HDAC4: variants seen among roughly 807,000 people sequenced by gnomAD.
The protein encoded by HDAC4 is histone deacetylase A.
Under a neutral mutation model 135.1 loss-of-function variants are expected in HDAC4, and 16 were observed. That is an observed-to-expected ratio of 0.12 (90% CI 0.08 to 0.18). HDAC4 has a LOEUF of 0.18. Among genes scored for constraint, HDAC4 ranks in the 10% least tolerant of loss-of-function variants. The pLI is 1.00. For missense variants in HDAC4, 1,143 were observed against 1,511.8 expected, an observed-to-expected ratio of 0.76 and a Z score of 4.05; for synonymous variants, 685 against 653.4, an observed-to-expected ratio of 1.05 and a Z score of -0.74.
At chr2:239,371,808 T>C (rs183656463) in intron 1 of HDAC4, among the ~76,000 whole-genome samples, 64 of 152,292 alleles carry the variant, frequency 4.2e-4, no homozygotes, top group Non-Finnish European at 7.9e-4. Context: ...AAGATGAGGA[T>C]CTGGGCCTGC....
intron 2 of HDAC4, among the ~76,000 whole-genome samples, chr2:239,279,113 G>A (rs754016542): frequency 2.6e-5 from 4 of 152,242 alleles, no homozygotes; most frequent in Admixed American, 6.5e-5. Context: ...CCCACAGGCC[G>A]GAGGGCTCCC....
At chr2:239,195,813 G>A (rs183563872) in intron 3 of HDAC4, among the ~76,000 whole-genome samples, 102 of 152,308 alleles carry the variant, frequency 6.7e-4, no homozygotes, top group Non-Finnish European at 1.2e-3. Context: ...CACAAAGGCC[G>A]CATTCAGAGT....
intron 11 of HDAC4, among the ~76,000 whole-genome samples, chr2:239,129,492 T>C (rs752366884): frequency 1.3e-5 from 2 of 152,180 alleles, no homozygotes; most frequent in African/African-American, 4.8e-5. Flanking sequence ...AGTGGCCCCC[T>C]GCTCTGGGCT....
rs937951453 is a variant in HDAC4 at position 239,378,666 on chromosome 2, A to G, written c.-220+22312T>C. 1.4e-4 allele frequency among the ~76,000 whole-genome samples: 22 copies of G among 152,080 alleles called. 1 individual carries two copies. The highest frequency in any genetic ancestry group is 1.4e-3 in the Admixed American group (21 of 15,278). On this transcript the variant is annotated intron_variant, in intron 1 of 26. Coordinates refer to ENST00000543185, the MANE Select transcript of HDAC4 (RefSeq NM_001378414.1). ...ACCCCGGGAACCAATGACCCCGGGAACCAATGACCCCGGGAACCAATGAAC... is the reference window on the plus strand; with the variant it reads ...ACCCCGGGAACCAATGACCCCGGGAGCCAATGACCCCGGGAACCAATGAAC...
Position 239,323,403 on chromosome 2 carries a change from A to G in HDAC4, c.22+29275T>C, listed in dbSNP as rs2053376202. On this transcript the variant is annotated intron_variant, in intron 2 of 26. Coordinates refer to ENST00000543185, the MANE Select transcript of HDAC4 (RefSeq NM_001378414.1). Reference sequence around the variant, plus strand: ...AGCATTTTCCTTTCTTTCATCTTTCAGCATTGTTGGATGTTAAGTAAAGAA... The same window carrying G: ...AGCATTTTCCTTTCTTTCATCTTTCGGCATTGTTGGATGTTAAGTAAAGAA... Among the ~76,000 whole-genome samples the G allele has an allele frequency of 1.3e-5, 2 of 152,238 alleles. 1 individual carries two copies. The highest frequency in any genetic ancestry group is 4.1e-4 in the South Asian group (2 of 4,830).
intron 6 of HDAC4, among the ~76,000 whole-genome samples, chr2:239,163,499 G>A (rs560277433): frequency 9.7e-4 from 147 of 152,092 alleles, no homozygotes; most frequent in Non-Finnish European, 1.9e-3. Flanking sequence ...CTGTGGAAGT[G>A]TACCCCCAGA....
intron 2 of HDAC4, among the ~76,000 whole-genome samples, chr2:239,275,218 C>T (rs1366552332): frequency 2.0e-5 from 3 of 152,240 alleles, no homozygotes; most frequent in African/African-American, 7.2e-5. Context: ...ACCACCAGGC[C>T]GCGCAGGCTG....
intron 6 of HDAC4, chr2:239,161,767 A>G: frequency 2.4e-6 from 1 of 424,548 alleles, no homozygotes; most frequent in South Asian, 1.7e-5. Flanking sequence ...CAGCTCACCC[A>G]GGGAGTTCCA....
intron 6 of HDAC4, among the ~76,000 whole-genome samples, chr2:239,157,716 T>C (rs2042516927): frequency 6.6e-6 from 1 of 152,226 alleles, no homozygotes; most frequent in Admixed American, 6.5e-5. Flanking sequence ...GGTTAGACTA[T>C]TTGAATACAT....
chr2:239,401,366 C>T (rs1269215718), upstream of HDAC4: 2 of 155,642 alleles, frequency 1.3e-5, no homozygotes, highest in Non-Finnish European at 2.8e-5. Context: ...ACCTCATTGG[C>T]TGCTGGAGCT....
intron 3 of HDAC4, among the ~76,000 whole-genome samples, chr2:239,201,017 G>T (rs1194814057): frequency 6.6e-6 from 1 of 152,222 alleles, no homozygotes; most frequent in Non-Finnish European, 1.5e-5. Flanking sequence ...TTCACTACCG[G>T]GGAATCACAG....
chr2:239,212,459 C>T (rs1342476445), intron 3 of HDAC4, among the ~76,000 whole-genome samples: 1 of 152,168 alleles, frequency 6.6e-6, no homozygotes, highest in East Asian at 1.9e-4. Flanking sequence ...CAGACAGCAG[C>T]CATAGAATTC....
In HDAC4 at chr2:239,134,527, C is replaced by T. The variant is rs751134483; in HGVS notation, c.1095G>A (p.Ala365=). The change falls in exon 10 of 27, where the codon GCG becomes GCA. Residue 365 remains alanine, a splice_region_variant and synonymous_variant. Transcript: ENST00000543185. ...TLGLPATGPS[A]GTAGQQDAER... is the part of the protein sequence containing the mutation. ...CACGGACCCACGGGGGCTGACTTAC[C>T]GCAGAGGGGCCGGTGGCAGGCAGGC... The T allele has an allele frequency of 1.1e-5, 17 of 1,613,794 alleles. No individual in the cohort carries two copies. Among genetic ancestry groups the T allele is most frequent in the Middle Eastern group, 1.6e-4 (1 of 6,084 alleles).
At chr2:239,235,059 C>T (rs1030184989) in intron 3 of HDAC4, among the ~76,000 whole-genome samples, 1 of 152,182 alleles carries the variant, frequency 6.6e-6, no homozygotes. Flanking sequence ...TAAAATTGTG[C>T]ATCTTCATCT....
At chr2:239,156,309 C>T (rs972978564) in intron 7 of HDAC4, among the ~76,000 whole-genome samples, 1 of 152,206 alleles carries the variant, frequency 6.6e-6, no homozygotes, top group Non-Finnish European at 1.5e-5. Flanking sequence ...CATGGCCCAC[C>T]AACAGGAACT....
At chr2:239,374,578 T>C (rs1181335390) in intron 1 of HDAC4, among the ~76,000 whole-genome samples, 5 of 150,794 alleles carry the variant, frequency 3.3e-5, no homozygotes, top group Admixed American at 3.3e-4. Context: ...TAATTTTTTG[T>C]ATTTTTAGTA....
intron 2 of HDAC4, among the ~76,000 whole-genome samples, chr2:239,244,746 G>A (rs2048375352): frequency 6.6e-6 from 1 of 152,122 alleles, no homozygotes; most frequent in South Asian, 2.1e-4. Flanking sequence ...CACCTGCGCT[G>A]GCCTCCTCCC....
chr2:239,321,073 A>G (rs981442374), intron 2 of HDAC4, among the ~76,000 whole-genome samples: 1 of 152,218 alleles, frequency 6.6e-6, no homozygotes, highest in South Asian at 2.1e-4. Flanking sequence ...TATTCTATTC[A>G]GGGTTTTAAA....
chr2:239,148,924 A>G (rs1490675605), intron 7 of HDAC4, among the ~76,000 whole-genome samples: 1 of 152,228 alleles, frequency 6.6e-6, no homozygotes, highest in Non-Finnish European at 1.5e-5. Context: ...AATGAAAAAA[A>G]TGATCAACTT....
Sources: gnomAD v4.1 joint callset for allele counts (sites outside exome capture counted in the v4.1 genomes callset) on GRCh38, gnomAD v4.1.1 for gene constraint, MANE v1.5 for transcripts, NCBI Gene and HGNC (gene_info 2026-07-23, HGNC 2026-07-21) for gene names.